SMOC1: variants seen among roughly 807,000 people sequenced by gnomAD.
SMOC1 encodes SPARC-related modular calcium-binding protein 1.
In SMOC1, 22 loss-of-function variants were observed where a neutral mutation model predicts 56.3. The ratio of observed to expected loss-of-function variants is 0.39; its 90% CI spans 0.28 to 0.56. The LOEUF is 0.56. Ranked by LOEUF, SMOC1 falls within the 20% of genes least tolerant of loss-of-function variation. SMOC1 has a pLI of 0.61. For synonymous variants in SMOC1, 193 were observed against 215.0 expected (o/e 0.90, Z 0.89); for missense variants, 509 against 565.4 (o/e 0.90, Z 1.01).
intron 10 of SMOC1, among the ~76,000 whole-genome samples, chr14:70,019,079 AGGCCTGGTGGG>A (rs1885620683): frequency 6.6e-6 from 1 of 152,244 alleles, no homozygotes; most frequent in Non-Finnish European, 1.5e-5. Flanking sequence ...ATTGCAGCCA[AGGCCTGGTGGG>A]GCTGAGGCTG....
At chr14:69,925,859 A>G (rs529389244) in intron 1 of SMOC1, among the ~76,000 whole-genome samples, 216 of 152,250 alleles carry the variant, frequency 1.4e-3, no homozygotes, top group African/African-American at 5.0e-3. Context: ...CAGAGCAGGA[A>G]ATCAAACCCT....
intron 3 of SMOC1, among the ~76,000 whole-genome samples, chr14:69,963,803 C>G (rs1446408759): frequency 6.6e-6 from 1 of 152,196 alleles, no homozygotes; most frequent in Non-Finnish European, 1.5e-5. Context: ...ATGGCAAGAG[C>G]AGGGTCTGAC....
At chr14:69,975,163 G>A (rs1190852888) in intron 3 of SMOC1, among the ~76,000 whole-genome samples, 2 of 152,068 alleles carry the variant, frequency 1.3e-5, no homozygotes, top group African/African-American at 4.8e-5. Context: ...GGCTAACATG[G>A]CGAAACCCAT....
At chr14:69,968,829 T>C (rs1375814777) in intron 3 of SMOC1, among the ~76,000 whole-genome samples, 4 of 152,200 alleles carry the variant, frequency 2.6e-5, no homozygotes, top group Non-Finnish European at 5.9e-5. Context: ...CCAGGCATGC[T>C]GAATCAAGCC....
chr14:69,927,070 G>A (rs113898540), intron 1 of SMOC1, among the ~76,000 whole-genome samples: 5 of 152,342 alleles, frequency 3.3e-5, no homozygotes, highest in South Asian at 2.1e-4. Flanking sequence ...TGGTGGTTCC[G>A]TTATCATGCC....
chr14:70,011,713 G>A, intron 9 of SMOC1, 146 bp downstream of exon 9: 1 of 771,436 alleles, frequency 1.3e-6, no homozygotes, highest in Admixed American at 2.0e-5. Context: ...CCTGGTCTGG[G>A]ATTTATCCCT....
chr14:69,922,754 G>A (rs1011098818), intron 1 of SMOC1, among the ~76,000 whole-genome samples: 4 of 151,666 alleles, frequency 2.6e-5, no homozygotes, highest in Admixed American at 2.6e-4. Context: ...GGTGTGTATG[G>A]TGTGTGTGTG....
chr14:69,942,835 T>G (rs201288818), intron 1 of SMOC1, among the ~76,000 whole-genome samples: 7 of 152,166 alleles, frequency 4.6e-5, no homozygotes, highest in Non-Finnish European at 4.4e-5. Flanking sequence ...ATTGGGAGCA[T>G]GTAGGTTAAC....
At chr14:69,950,948 G>A (rs1454484564) in intron 1 of SMOC1, among the ~76,000 whole-genome samples, 1 of 152,140 alleles carries the variant, frequency 6.6e-6, no homozygotes, top group African/African-American at 2.4e-5. Context: ...GCTCAGCTGG[G>A]TGGTTCTGAC....
Position 69,962,931 on chromosome 14 carries a change from T to C in SMOC1, c.378+9399T>C, listed in dbSNP as rs79378015. ...TCTTTTTTTTCTCTTTTATTTCTTA[T>C]AACTTCATTCCTTTTCATGTGTATA... On this transcript the variant is annotated intron_variant, in intron 3 of 11. Coordinates refer to ENST00000361956, the MANE Select transcript of SMOC1 (RefSeq NM_001034852.3). Among the ~76,000 whole-genome samples, 1,072 of 152,316 alleles carry C rather than the reference T, an allele frequency of 7.0e-3. 12 individuals carry two copies. Among genetic ancestry groups the C allele is most frequent in the African/African-American group, 0.024 (1,018 of 41,574 alleles).
chr14:69,893,456 C>G (rs1391496929), intron 1 of SMOC1, among the ~76,000 whole-genome samples: 1 of 152,134 alleles, frequency 6.6e-6, no homozygotes, highest in Admixed American at 6.5e-5. Flanking sequence ...GATTGCAAAG[C>G]TCTGAGGGGG....
intron 1 of SMOC1, among the ~76,000 whole-genome samples, chr14:69,914,268 G>A (rs934371065): frequency 2.6e-5 from 4 of 152,180 alleles, no homozygotes; most frequent in African/African-American, 9.7e-5. Context: ...GCTTTGTGGG[G>A]TATAGGGTCT....
chr14:69,916,194 G>A (rs528558757), intron 1 of SMOC1, among the ~76,000 whole-genome samples: 1 of 152,266 alleles, frequency 6.6e-6, no homozygotes, highest in East Asian at 1.9e-4. Flanking sequence ...GAGGTGCGAC[G>A]AAACCTTCAG....
intron 1 of SMOC1, 69 bp downstream of exon 1, chr14:69,879,846 G>A (rs766805391): frequency 2.1e-5 from 28 of 1,359,076 alleles, no homozygotes; most frequent in Non-Finnish European, 2.8e-5. Context: ...TCATCCCTGA[G>A]GGAAGGAGGA....
In SMOC1 at chr14:69,984,867, A is replaced by G. The variant is rs1322540006; in HGVS notation, c.526+6902A>G. On this transcript the variant is annotated intron_variant, in intron 5 of 11. Coordinates refer to ENST00000361956, the MANE Select transcript of SMOC1 (RefSeq NM_001034852.3). ...GCGAGACTCCATCTCAAACAAACAA[A>G]CAAACAAACAAACAAAAACAAAAAA... 2.6e-5 allele frequency among the ~76,000 whole-genome samples: 4 copies of G among 150,964 alleles called. No individual in the cohort carries two copies. In the East Asian group the frequency reaches 7.8e-4, roughly 29 times the overall value.
chr14:70,012,544 C>T (rs957409847), intron 9 of SMOC1, among the ~76,000 whole-genome samples: 1 of 152,176 alleles, frequency 6.6e-6, no homozygotes. Context: ...CTCTGAGAAG[C>T]AAGTGTTGAA....
intron 1 of SMOC1, among the ~76,000 whole-genome samples, chr14:69,932,911 G>A (rs1885204368): frequency 6.6e-6 from 1 of 152,066 alleles, no homozygotes; most frequent in East Asian, 1.9e-4. Flanking sequence ...CGGAAGCTGT[G>A]CAAGACTACA....
intron 1 of SMOC1, among the ~76,000 whole-genome samples, chr14:69,951,539 T>G (rs532530904): frequency 6.6e-6 from 1 of 152,336 alleles, no homozygotes; most frequent in South Asian, 2.1e-4. Context: ...TTATTTAACT[T>G]CTGTATTCTG....
At chr14:69,891,474 G>C (rs1340743948) in intron 1 of SMOC1, among the ~76,000 whole-genome samples, 2 of 152,234 alleles carry the variant, frequency 1.3e-5, no homozygotes, top group Non-Finnish European at 2.9e-5. Flanking sequence ...GTTCTCAGCT[G>C]CATGAAGCTG....
Sources: gnomAD v4.1 joint callset for allele counts (sites outside exome capture counted in the v4.1 genomes callset) on GRCh38, gnomAD v4.1.1 for gene constraint, MANE v1.5 for transcripts, NCBI Gene and HGNC (gene_info 2026-07-23, HGNC 2026-07-21) for gene names.